The following MROH2B variants were observed in gnomAD, a reference collection of about 807,000 sequenced individuals.
MROH2B encodes maestro heat like repeat family member 2B, also known as maestro heat-like repeat-containing protein family member 2B.
In MROH2B, 177 loss-of-function variants were observed where a neutral mutation model predicts 208.6. The observed-to-expected ratio is 0.85, with a 90% CI of 0.75 to 0.96. MROH2B has a LOEUF of 0.96. Ranked by LOEUF, MROH2B falls within the 40% of genes least tolerant of loss-of-function variation. The pLI, the probability that MROH2B is intolerant of heterozygous loss-of-function variation, is 0.00. For missense variants in MROH2B, 2,002 were observed against 1,878.7 expected (o/e 1.07, Z -1.21); for synonymous variants, 728 against 659.0 (o/e 1.10, Z -1.60).
In MROH2B at chr5:41,054,968, T is replaced by C. The variant is rs569710814; in HGVS notation, c.1034-128A>G. ...TCTCTTGTTTTTAACAACCTATTTG[T>C]TTTTCAATGCCCTCCCATCCTCTTT... On this transcript the variant is annotated intron_variant, in intron 10 of 41. Transcript: ENST00000399564. 57 of 543,722 alleles carry C rather than the reference T, an allele frequency of 1.0e-4. No individual in the cohort carries two copies. The South Asian group carries it at 2.0e-3, about 19-fold the overall frequency. The allele number at this position is 543,722 out of a possible 1,614,324, so 33.7% of individuals were successfully genotyped here. A position where few individuals can be genotyped will look rare whatever the true frequency, so the allele number is the denominator to read the frequency against.
chr5:41,065,381 A>G lies in MROH2B; in HGVS notation c.311T>C (p.Leu104Pro), dbSNP rs2150183198. 6.2e-7 allele frequency: 1 copy of G among 1,613,494 alleles called. No homozygotes were observed. The change falls in exon 4 of 42, where the codon CTA becomes CCA. Residue 104 changes from leucine (L) to proline (P), a missense_variant. By Grantham distance (98) the Leu-to-Pro change is moderately conservative (BLOSUM62 -3). Coordinates refer to ENST00000399564, the MANE Select transcript of MROH2B (RefSeq NM_173489.5). ...EVQSNFRILE[L>P]PDEFVVLALA... ...GGCAAGCACAACGAATTCATCTGGT[A>G]GCTCTAAGATCCTGAAGTTACTTTG...
At chr5:41,024,876 G>A (rs1031325644) in intron 24 of MROH2B, among the ~76,000 whole-genome samples, 10 of 152,168 alleles carry the variant, frequency 6.6e-5, no homozygotes, top group Admixed American at 6.5e-4. Flanking sequence ...TCAGGATTAA[G>A]AAACTCACTC....
chr5:41,001,797 A>G (rs1741407390), intron 37 of MROH2B, among the ~76,000 whole-genome samples: 1 of 152,084 alleles, frequency 6.6e-6, no homozygotes, highest in African/African-American at 2.4e-5. Context: ...CATTGGAGTT[A>G]CGTTTCAGAG....
Position 41,016,055 on chromosome 5 carries a change from T to TAACAC in MROH2B, c.2885-578_2885-577insGTGTT, listed in dbSNP as rs1263184873. Reference sequence around the variant, plus strand: ...ATGGAAACTAACACATGAACCATTCTATGGAAGGCAGCCTAGCCCAGTGGG... The same window carrying TAACAC: ...ATGGAAACTAACACATGAACCATTCTAACACATGGAAGGCAGCCTAGCCCAGTGGG... On this transcript the variant is annotated intron_variant, in intron 28 of 41. Transcript: ENST00000399564. Among the ~76,000 whole-genome samples, 349 of 152,322 alleles carry TAACAC rather than the reference T, an allele frequency of 2.3e-3. 2 individuals carry two copies. Among genetic ancestry groups the TAACAC allele is most frequent in the African/African-American group, 8.0e-3 (333 of 41,568 alleles).
At chr5:41,063,917 T>G (rs568869873) in intron 5 of MROH2B, among the ~76,000 whole-genome samples, 15 of 152,236 alleles carry the variant, frequency 9.9e-5, no homozygotes, top group Non-Finnish European at 2.1e-4. Flanking sequence ...GTAGAGGAGT[T>G]TGTGACCACA....
chr5:41,004,705 C>T (rs2305314), intron 36 of MROH2B, 69 bp downstream of exon 36: 963,351 of 1,565,310 alleles, frequency 0.62, 298,169 homozygotes, highest in East Asian at 0.73. Flanking sequence ...AACAACTAGG[C>T]GTGGGTTATT....
At chr5:41,039,674 G>A (rs1742882938) in intron 19 of MROH2B, 119 bp from the exon 20 acceptor site, 4 of 633,952 alleles carry the variant, frequency 6.3e-6, no homozygotes, top group Admixed American at 6.4e-5. Context: ...GTAGTTTGCA[G>A]AACATACCAA....
chr5:41,019,522 T>C (rs1742075912), intron 24 of MROH2B, among the ~76,000 whole-genome samples: 1 of 152,164 alleles, frequency 6.6e-6, no homozygotes, highest in South Asian at 2.1e-4. Context: ...GACAATGGAG[T>C]GTTTCTTCCT....
chr5:41,066,388 T>TTA (rs1201476663), intron 3 of MROH2B, among the ~76,000 whole-genome samples: 1 of 152,194 alleles, frequency 6.6e-6, no homozygotes, highest in African/African-American at 2.4e-5. Flanking sequence ...CTGAAAAAGA[T>TTA]TATTGATCTA....
chr5:41,048,609 A>C, intron 15 of MROH2B, 144 bp from the exon 16 acceptor site: 2 of 1,011,968 alleles, frequency 2.0e-6, no homozygotes, highest in Non-Finnish European at 2.7e-6. Flanking sequence ...ATTCTTATTT[A>C]TTCTAGAATG....
Position 41,070,930 on chromosome 5 carries a change from G to A in MROH2B, c.-78C>T. 2.7e-6 allele frequency: 4 copies of A among 1,472,914 alleles called. No homozygotes were observed. Among genetic ancestry groups the A allele is most frequent in the Non-Finnish European group, 3.7e-6 (4 of 1,070,436 alleles). 91.2% of individuals were successfully genotyped at this position (1,472,914 alleles called of 1,614,324 possible). A position where few individuals can be genotyped will look rare whatever the true frequency, so the allele number is the denominator to read the frequency against. ...TAAGGCTAAAAAATCAAAGAGGCAG[G>A]TTGGCAAGTTTCTCATATAAGGTTC... On this transcript the variant is annotated 5_prime_UTR_variant, in exon 1 of 42. Transcript: ENST00000399564.
At chr5:41,024,728 A>G (rs1288017725) in intron 24 of MROH2B, among the ~76,000 whole-genome samples, 1 of 152,230 alleles carries the variant, frequency 6.6e-6, no homozygotes, top group South Asian at 2.1e-4. Flanking sequence ...TCAACAGAAT[A>G]TATATTCTTC....
rs780903590 is a variant in MROH2B, at chr5:41,000,807, G to A, written c.4221C>T (p.Ala1407=). Residue 1407 remains alanine, a synonymous_variant, in exon 38 of 42, where the codon GCC becomes GCT. Transcript: ENST00000399564. Reference sequence around the variant, plus strand: ...GTGCCAGGTCCTCAAATAAGAAGATGGCAGTCAATCTCACATCATCCTGCT... The same window carrying A: ...GTGCCAGGTCCTCAAATAAGAAGATAGCAGTCAATCTCACATCATCCTGCT... ...EDEQDDVRLT[A]IFLFEDLAPL... is the part of the protein sequence containing the mutation. 6 of 1,611,492 alleles carry A rather than the reference G, an allele frequency of 3.7e-6. No homozygotes were observed. The South Asian group carries it at 6.6e-5, about 18-fold the overall frequency.
chr5:41,062,919 C>A (rs1202939009), intron 5 of MROH2B, among the ~76,000 whole-genome samples: 1 of 151,444 alleles, frequency 6.6e-6, no homozygotes, highest in Admixed American at 6.6e-5. Context: ...GGGATGATGT[C>A]TTGCTGGTTC....
chr5:41,013,723 G>T (rs1232116254), intron 29 of MROH2B, among the ~76,000 whole-genome samples: 1 of 152,196 alleles, frequency 6.6e-6, no homozygotes, highest in East Asian at 1.9e-4. Context: ...CAGTGGGATG[G>T]ATGTTGATTC....
chr5:41,042,786 G>A (rs991158135), intron 18 of MROH2B, among the ~76,000 whole-genome samples: 13 of 152,024 alleles, frequency 8.6e-5, no homozygotes, highest in African/African-American at 2.9e-4. Flanking sequence ...TGTATTTTTA[G>A]TGGAGACAGG....
In MROH2B at chr5:41,033,060, A is replaced by G. The variant is rs1188133836; in HGVS notation, c.2342T>C (p.Met781Thr). The G allele has an allele frequency of 6.2e-7, 1 of 1,612,908 alleles. No individual in the cohort carries two copies. Among genetic ancestry groups the G allele is most frequent in the African/African-American group, 1.3e-5 (1 of 74,886 alleles). Residue 781 changes from methionine (M) to threonine (T), a missense_variant, in exon 23 of 42, where the codon ATG becomes ACG. Transcript: ENST00000399564. ...ACTCACCAGCATGTAACCAATCAGC[A>G]TCTCCTTGTAGGAAAACTGGAACCC... Reference protein sequence around the residue: ...DQGFQFSYKEMLIGYMLDFIR... With the variant: ...DQGFQFSYKETLIGYMLDFIR...
At chr5:41,000,187 C>G (rs370236349) in intron 39 of MROH2B, 33 bp downstream of exon 39, 1 of 1,611,978 alleles carries the variant, frequency 6.2e-7, no homozygotes, top group Admixed American at 1.7e-5. Flanking sequence ...CTTGTCCTGC[C>G]TTTTTTGGAG....
At chr5:41,049,608 T>C (rs1157604721) in intron 13 of MROH2B, among the ~76,000 whole-genome samples, 172 bp from the exon 14 acceptor site, 1 of 152,168 alleles carries the variant, frequency 6.6e-6, no homozygotes, top group Admixed American at 6.6e-5. Context: ...GCACATTGAT[T>C]TTCAGGTGTT....
Sources: gnomAD v4.1 joint callset for allele counts (sites outside exome capture counted in the v4.1 genomes callset) on GRCh38, gnomAD v4.1.1 for gene constraint, MANE v1.5 for transcripts, NCBI Gene and HGNC (gene_info 2026-07-23, HGNC 2026-07-21) for gene names.